Variants in FOXP2 observed in about 807,000 individuals in gnomAD.
FOXP2 encodes forkhead box P2.
FOXP2 carries 12 observed loss-of-function variants against 115.8 expected under a neutral mutation model. The ratio of observed to expected loss-of-function variants is 0.10; its 90% CI spans 0.07 to 0.17. The LOEUF is 0.17. Among genes scored for constraint, FOXP2 ranks in the 10% least tolerant of loss-of-function variants. The probability of loss-of-function intolerance (pLI) is 1.00; values close to 1 mark genes in which losing one functional copy is unlikely to be tolerated. For synonymous variants in FOXP2, 328 were observed against 297.7 expected (o/e 1.10, Z -1.05); for missense variants, 629 against 843.5 (o/e 0.75, Z 3.15).
At chr7:114,491,013 A>G (rs1305824348) in intron 2 of FOXP2, among the ~76,000 whole-genome samples, 1 of 152,204 alleles carries the variant, frequency 6.6e-6, no homozygotes, top group Middle Eastern at 3.2e-3. Context: ...TCCTTTGGGT[A>G]TATACCCAGT....
At chr7:114,200,706 A>G (rs76246927) in intron 1 of FOXP2, among the ~76,000 whole-genome samples, 2,991 of 152,280 alleles carry the variant, frequency 0.02, 116 homozygotes, top group African/African-American at 0.067. Context: ...CCATTCCTCT[A>G]ACTTCACTTA....
chr7:114,249,607 T>A (rs1035214577), intron 1 of FOXP2, among the ~76,000 whole-genome samples: 1 of 152,186 alleles, frequency 6.6e-6, no homozygotes, highest in African/African-American at 2.4e-5. Context: ...CTTTATGCAG[T>A]CTATCATTGA....
At chr7:114,499,043 G>T (rs944753938) in intron 2 of FOXP2, 1 of 626,922 alleles carries the variant, frequency 1.6e-6, no homozygotes, top group Non-Finnish European at 2.9e-6. Flanking sequence ...CCACTCCCTA[G>T]ACCTACTGAA....
At chr7:114,649,608 T>G (rs1164167931) in intron 8 of FOXP2, among the ~76,000 whole-genome samples, 1 of 152,172 alleles carries the variant, frequency 6.6e-6, no homozygotes, top group African/African-American at 2.4e-5. Flanking sequence ...AATTTAATGT[T>G]AATACTTAGC....
chr7:114,275,259 C>T (rs957610440), intron 1 of FOXP2, among the ~76,000 whole-genome samples: 3 of 151,776 alleles, frequency 2.0e-5, no homozygotes, highest in Non-Finnish European at 4.4e-5. Flanking sequence ...TGTTTCTTTC[C>T]CTCTCTATTC....
chr7:114,205,486 G>T (rs1563004708), intron 1 of FOXP2, among the ~76,000 whole-genome samples: 1 of 152,074 alleles, frequency 6.6e-6, no homozygotes, highest in East Asian at 1.9e-4. Context: ...TTTGAAATAG[G>T]CATATTATTA....
chr7:114,176,298 T>C (rs12234257), intron 1 of FOXP2, among the ~76,000 whole-genome samples: 2,858 of 76,466 alleles, frequency 0.037, 71 homozygotes, highest in Middle Eastern at 0.11. Context: ...CTTTCTTTCT[T>C]TCTCTCTCTC....
Position 114,581,659 on chromosome 7 carries a change from G to T in FOXP2, c.259-46881G>T, listed in dbSNP as rs546933900. On this transcript the variant is annotated intron_variant, in intron 3 of 16. Transcript: ENST00000350908. ...TAGATTACATTAGGGTTCACTCTTG[G>T]TGTTGTACATTCTATGGGTTTGGAC... Among the ~76,000 whole-genome samples, 5 of 152,216 alleles carry T rather than the reference G, an allele frequency of 3.3e-5. No individual in the cohort carries two copies. In the South Asian group the frequency reaches 1.0e-3, roughly 32 times the overall value.
intron 2 of FOXP2, among the ~76,000 whole-genome samples, chr7:114,433,223 T>C (rs1023626542): frequency 6.6e-6 from 1 of 152,014 alleles, no homozygotes; most frequent in African/African-American, 2.4e-5. Flanking sequence ...TTAAATCCAT[T>C]CAGTTAATAA....
chr7:114,329,448 G>T (rs1005820656), intron 2 of FOXP2, among the ~76,000 whole-genome samples: 1 of 150,738 alleles, frequency 6.6e-6, no homozygotes, highest in Non-Finnish European at 1.5e-5. Context: ...GAACCCAGGA[G>T]GCGGAGGTTG....
At chr7:114,504,746 G>T (rs563841277) in intron 2 of FOXP2, among the ~76,000 whole-genome samples, 1 of 151,710 alleles carries the variant, frequency 6.6e-6, no homozygotes, top group African/African-American at 2.4e-5. Context: ...AAAATATGTG[G>T]ATAGATTTTT....
chr7:114,526,367 C>T (rs1481506992), intron 2 of FOXP2, among the ~76,000 whole-genome samples: 1 of 150,896 alleles, frequency 6.6e-6, no homozygotes, highest in East Asian at 2.0e-4. Context: ...ATCCCAGATA[C>T]TCGGGAGGCC....
At chr7:114,536,401 T>TC (rs1335246684) in intron 3 of FOXP2, among the ~76,000 whole-genome samples, 2 of 109,618 alleles carry the variant, frequency 1.8e-5, no homozygotes, top group Admixed American at 8.3e-5. Flanking sequence ...TCTTTTCTTT[T>TC]TTTTTTTTTT....
chr7:114,115,889 A>C (rs1791394471), intron 1 of FOXP2, among the ~76,000 whole-genome samples: 1 of 152,194 alleles, frequency 6.6e-6, no homozygotes, highest in African/African-American at 2.4e-5. Flanking sequence ...CATTTATTGA[A>C]TAAATGAGTG....
intron 2 of FOXP2, among the ~76,000 whole-genome samples, chr7:114,458,659 C>T (rs1324623748): frequency 9.9e-5 from 15 of 151,132 alleles, no homozygotes; most frequent in East Asian, 1.9e-4. Context: ...GTGATCCTCC[C>T]GCCTCAGCCT....
At chr7:114,232,114 A>G (rs1668330) in intron 1 of FOXP2, among the ~76,000 whole-genome samples, 96,083 of 152,084 alleles carry the variant, frequency 0.63, 31,471 homozygotes, top group Middle Eastern at 0.81. Flanking sequence ...AAGATTCTCA[A>G]TATCACTAAT....
rs563563970 is a variant in FOXP2 at position 114,617,455 on chromosome 7, T to A, written c.259-11085T>A. Among the ~76,000 whole-genome samples the A allele has an allele frequency of 2.6e-5, 4 of 152,360 alleles. No individual in the cohort carries two copies. The East Asian group carries it at 7.7e-4, about 29-fold the overall frequency. ...TAAAATTCAAATCTGATCATATCAATGTTCTTAAATTTCTTAGGATCTCCA... is the reference window on the plus strand; with the variant it reads ...TAAAATTCAAATCTGATCATATCAAAGTTCTTAAATTTCTTAGGATCTCCA... On this transcript the variant is annotated intron_variant, in intron 3 of 16. Coordinates refer to ENST00000350908, the MANE Select transcript of FOXP2 (RefSeq NM_014491.4).
intron 1 of FOXP2, among the ~76,000 whole-genome samples, chr7:114,153,081 A>T (rs1792568970): frequency 6.6e-6 from 1 of 152,168 alleles, no homozygotes; most frequent in Non-Finnish European, 1.5e-5. Flanking sequence ...TCAAATAGTA[A>T]TGTAAGTAGA....
Position 114,276,648 on chromosome 7 carries a change from A to G in FOXP2, c.-101-11371A>G, listed in dbSNP as rs183000504. On this transcript the variant is annotated intron_variant, in intron 1 of 17. Transcript: ENST00000634411. ...CTGAAATTCCATCAAGGCATCAATTACAGCTCAGGTTTTCCTGTTCTGGTA... is the reference window on the plus strand; with the variant it reads ...CTGAAATTCCATCAAGGCATCAATTGCAGCTCAGGTTTTCCTGTTCTGGTA... Among the ~76,000 whole-genome samples the G allele has an allele frequency of 7.9e-5, 12 of 152,312 alleles. No homozygotes were observed. In the East Asian group the frequency reaches 2.3e-3, roughly 29 times the overall value.
Sources: gnomAD v4.1 joint callset for allele counts (sites outside exome capture counted in the v4.1 genomes callset) on GRCh38, gnomAD v4.1.1 for gene constraint, MANE v1.5 for transcripts, NCBI Gene and HGNC (gene_info 2026-07-23, HGNC 2026-07-21) for gene names.